EFNA5: variants seen among roughly 807,000 people sequenced by gnomAD.
The protein encoded by EFNA5 is ephrin A5.
A neutral mutation model predicts 22.9 loss-of-function variants in EFNA5; 5 were observed. The ratio of observed to expected loss-of-function variants is 0.22; its 90% CI spans 0.11 to 0.46. The LOEUF is 0.46. Ranked by LOEUF, EFNA5 falls within the 20% of genes least tolerant of loss-of-function variation. The pLI, the probability that EFNA5 is intolerant of heterozygous loss-of-function variation, is 0.99. For synonymous variants in EFNA5, 113 were observed against 112.2 expected (o/e 1.01, Z -0.04); for missense variants, 237 against 293.3 (o/e 0.81, Z 1.40).
chr5:107,661,910 C>T (rs1242041979), intron 1 of EFNA5, among the ~76,000 whole-genome samples: 1 of 152,144 alleles, frequency 6.6e-6, no homozygotes, highest in Admixed American at 6.5e-5. Context: ...CAAACCACAA[C>T]ACTGCCTGTT....
chr5:107,560,926 A>G (rs189519891), intron 1 of EFNA5, among the ~76,000 whole-genome samples: 1 of 152,298 alleles, frequency 6.6e-6, no homozygotes, highest in Non-Finnish European at 1.5e-5. Flanking sequence ...TGTGAGCGCC[A>G]CCTTTACATC....
At chr5:107,434,642 T>C (rs532968475) in intron 1 of EFNA5, among the ~76,000 whole-genome samples, 1 of 152,350 alleles carries the variant, frequency 6.6e-6, no homozygotes, top group Non-Finnish European at 1.5e-5. Flanking sequence ...AGGTATTTTA[T>C]CAAGAAGCTC....
intron 1 of EFNA5, among the ~76,000 whole-genome samples, chr5:107,502,101 C>A (rs1747149903): frequency 6.6e-6 from 1 of 152,174 alleles, no homozygotes; most frequent in African/African-American, 2.4e-5. Flanking sequence ...TGAGGACTGC[C>A]CCTCTTCACC....
At chr5:107,566,707 A>G (rs554916503) in intron 1 of EFNA5, among the ~76,000 whole-genome samples, 1 of 152,356 alleles carries the variant, frequency 6.6e-6, no homozygotes, top group South Asian at 2.1e-4. Context: ...GTCAACTTTT[A>G]TCAACCATAG....
intron 1 of EFNA5, among the ~76,000 whole-genome samples, chr5:107,604,968 T>C (rs1041587312): frequency 6.6e-6 from 1 of 152,182 alleles, no homozygotes; most frequent in Non-Finnish European, 1.5e-5. Flanking sequence ...TGCCTATTCA[T>C]AGGCACCTGC....
chr5:107,539,484 A>C (rs955543807), intron 1 of EFNA5, among the ~76,000 whole-genome samples: 18 of 152,170 alleles, frequency 1.2e-4, no homozygotes, highest in African/African-American at 4.3e-4. Context: ...AAAAAGAAAA[A>C]GTCTTGCTCT....
Position 107,395,225 on chromosome 5 carries a change from A to AACG in EFNA5, c.419-7457_419-7455dup, listed in dbSNP as rs569744146. Among the ~76,000 whole-genome samples the AACG allele has an allele frequency of 7.3e-4, 111 of 151,534 alleles. No individual in the cohort carries two copies. In the East Asian group the frequency reaches 0.019, roughly 26 times the overall value. On this transcript the variant is annotated intron_variant, in intron 2 of 4. Transcript: ENST00000333274. ...GGCTAATTTTTGTACTTTTAGTAGAAACGGGGTTTCACCATGTTGGCCAGG... is the reference window on the plus strand; with the variant it reads ...GGCTAATTTTTGTACTTTTAGTAGAAACGACGGGGTTTCACCATGTTGGCCAGG...
At chr5:107,424,939 G>T (rs1246150611) in intron 2 of EFNA5, among the ~76,000 whole-genome samples, 2 of 152,134 alleles carry the variant, frequency 1.3e-5, no homozygotes, top group Non-Finnish European at 2.9e-5. Context: ...TGAACACCAA[G>T]CCACTGTGCT....
At chr5:107,617,440 G>T (rs73200629) in intron 1 of EFNA5, among the ~76,000 whole-genome samples, 1 of 152,102 alleles carries the variant, frequency 6.6e-6, no homozygotes. Context: ...TGCCTGTTTT[G>T]GGGAAGTTTG....
intron 1 of EFNA5, among the ~76,000 whole-genome samples, chr5:107,556,292 T>A (rs1281180301): frequency 6.6e-6 from 1 of 152,214 alleles, no homozygotes; most frequent in South Asian, 2.1e-4. Context: ...CTGTTATATG[T>A]ACACATTCTT....
chr5:107,403,656 A>G (rs1176719671), intron 2 of EFNA5, among the ~76,000 whole-genome samples: 1 of 152,256 alleles, frequency 6.6e-6, no homozygotes, highest in Non-Finnish European at 1.5e-5. Context: ...TTGAACATAC[A>G]TATTCACACA....
At chr5:107,476,267 G>A (rs1026483051) in intron 1 of EFNA5, among the ~76,000 whole-genome samples, 1 of 150,882 alleles carries the variant, frequency 6.6e-6, no homozygotes, top group Non-Finnish European at 1.5e-5. Context: ...TGGCCAGGCT[G>A]GTCTTGAACT....
intron 1 of EFNA5, among the ~76,000 whole-genome samples, chr5:107,494,097 A>T (rs1285312969): frequency 1.3e-5 from 2 of 152,360 alleles, no homozygotes; most frequent in Non-Finnish European, 2.9e-5. Flanking sequence ...CAGTCCTCAC[A>T]GCCTTCGCTC....
chr5:107,449,517 C>T (rs1749493950), intron 1 of EFNA5, among the ~76,000 whole-genome samples: 1 of 152,066 alleles, frequency 6.6e-6, no homozygotes, highest in Non-Finnish European at 1.5e-5. Flanking sequence ...CTCCCCGCCC[C>T]CCCAACTACA....
chr5:107,510,732 C>A (rs546974827), intron 1 of EFNA5, among the ~76,000 whole-genome samples: 16 of 152,168 alleles, frequency 1.1e-4, no homozygotes, highest in Middle Eastern at 3.4e-3. Context: ...ACCAGAACAG[C>A]CCAATCTTTT....
chr5:107,500,785 A>C (rs1237534021), intron 1 of EFNA5, among the ~76,000 whole-genome samples: 1 of 152,176 alleles, frequency 6.6e-6, no homozygotes, highest in Non-Finnish European at 1.5e-5. Flanking sequence ...CTATATTATA[A>C]CAAAGGTCTT....
chr5:107,539,433 GC>G (rs1747997001), intron 1 of EFNA5, among the ~76,000 whole-genome samples: 1 of 152,128 alleles, frequency 6.6e-6, no homozygotes, highest in Admixed American at 6.5e-5. Flanking sequence ...TGAGATTTAA[GC>G]AGGGGAAGGA....
At chr5:107,482,868 CTCTATATATATA>C (rs1465710000) in intron 1 of EFNA5, among the ~76,000 whole-genome samples, 26 of 42,920 alleles carry the variant, frequency 6.1e-4, no homozygotes, top group African/African-American at 2.1e-3. Flanking sequence ...CTCTCTCTCT[CTCTATATATATA>C]TATATATATA....
intron 1 of EFNA5, among the ~76,000 whole-genome samples, chr5:107,623,479 T>C (rs1386492603): frequency 1.3e-5 from 2 of 152,202 alleles, no homozygotes; most frequent in Admixed American, 6.5e-5. Context: ...TGTTTAATGA[T>C]AATTTATAGC....
Sources: allele counts gnomAD v4.1 joint callset (sites outside exome capture counted in the v4.1 genomes callset), GRCh38; gene constraint gnomAD v4.1.1; transcripts MANE v1.5; gene names NCBI Gene and HGNC (gene_info 2026-07-23, HGNC 2026-07-21).